Variants in MAGI3 observed in about 807,000 individuals in gnomAD.
The protein encoded by MAGI3 is membrane-associated guanylate kinase, WW and PDZ domain-containing protein 3.
In MAGI3, 43 loss-of-function variants were observed where a neutral mutation model predicts 121.8. The observed-to-expected ratio is 0.35, with a 90% confidence interval of 0.28 to 0.46. The LOEUF (loss-of-function observed/expected upper bound fraction) is 0.46. Among genes scored for constraint, MAGI3 ranks in the 20% least tolerant of loss-of-function variants. MAGI3 has a pLI of 1.00. For missense variants in MAGI3, 1,547 were observed against 1,797.3 expected (o/e 0.86, Z 2.52); for synonymous variants, 553 against 639.3 (o/e 0.86, Z 2.04).
chr1:113,483,873 A>G (rs1393908334), intron 1 of MAGI3, among the ~76,000 whole-genome samples: 7 of 151,918 alleles, frequency 4.6e-5, no homozygotes, highest in Admixed American at 3.3e-4. Flanking sequence ...GCACACTTGT[A>G]CTTTTTCTCT....
chr1:113,404,511 T>C (rs1174977185), intron 1 of MAGI3: 1 of 152,216 alleles, frequency 6.6e-6, no homozygotes, highest in Non-Finnish European at 1.5e-5. Flanking sequence ...CTTTTGAATT[T>C]CTTTATATCT....
At chr1:113,415,247 C>T (rs1452583095) in intron 1 of MAGI3, among the ~76,000 whole-genome samples, 1 of 152,028 alleles carries the variant, frequency 6.6e-6, no homozygotes. Context: ...AGTTCATTCA[C>T]ATTTAAAGGA....
chr1:113,453,251 G>A (rs1654572832), intron 1 of MAGI3, among the ~76,000 whole-genome samples: 1 of 152,090 alleles, frequency 6.6e-6, no homozygotes, highest in South Asian at 2.1e-4. Flanking sequence ...TATACTGACT[G>A]GAGACTGCTG....
chr1:113,610,840 AG>A (rs528142187), intron 6 of MAGI3, among the ~76,000 whole-genome samples: 5 of 152,200 alleles, frequency 3.3e-5, no homozygotes, highest in Admixed American at 6.5e-5. Flanking sequence ...AGACTGAGGC[AG>A]GGGAATCACT....
At chr1:113,563,669 C>T (rs893710114) in intron 2 of MAGI3, among the ~76,000 whole-genome samples, 1 of 152,136 alleles carries the variant, frequency 6.6e-6, no homozygotes, top group Non-Finnish European at 1.5e-5. Flanking sequence ...ATTTGGTCCC[C>T]CAGTTTTCAG....
At chr1:113,420,342 A>G (rs1365437752) in intron 1 of MAGI3, among the ~76,000 whole-genome samples, 1 of 152,026 alleles carries the variant, frequency 6.6e-6, no homozygotes, top group African/African-American at 2.4e-5. Flanking sequence ...TTCAACTTTT[A>G]CTCCATTAGT....
intron 3 of MAGI3, among the ~76,000 whole-genome samples, chr1:113,581,276 T>C (rs1648005685): frequency 6.6e-6 from 1 of 152,084 alleles, no homozygotes; most frequent in Non-Finnish European, 1.5e-5. Flanking sequence ...TGCTTTTTCA[T>C]ACTATTATAA....
chr1:113,463,739 T>C (rs1291353424), intron 1 of MAGI3, among the ~76,000 whole-genome samples: 3 of 152,038 alleles, frequency 2.0e-5, no homozygotes, highest in Admixed American at 2.0e-4. Flanking sequence ...GAGGAATTGG[T>C]AGAGTACCTG....
intron 1 of MAGI3, among the ~76,000 whole-genome samples, chr1:113,438,922 A>G (rs972249900): frequency 7.9e-5 from 12 of 152,152 alleles, no homozygotes; most frequent in Non-Finnish European, 1.6e-4. Flanking sequence ...TCAGCATTCA[A>G]TTTCTTTTTC....
intron 9 of MAGI3, among the ~76,000 whole-genome samples, chr1:113,634,078 G>C (rs1315439406): frequency 5.3e-5 from 8 of 151,922 alleles, no homozygotes; most frequent in Admixed American, 1.3e-4. Context: ...CTTTTTGATG[G>C]GGTTGTTTGT....
chr1:113,406,337 A>G (rs1247323592), intron 1 of MAGI3, among the ~76,000 whole-genome samples: 1 of 150,848 alleles, frequency 6.6e-6, no homozygotes, highest in Non-Finnish European at 1.5e-5. Context: ...AGTTCCAGCT[A>G]CTCAGGAGGC....
chr1:113,392,260 T>C (rs1650866254), intron 1 of MAGI3, among the ~76,000 whole-genome samples: 1 of 152,216 alleles, frequency 6.6e-6, no homozygotes, highest in Non-Finnish European at 1.5e-5. Context: ...TGTGGTTCTG[T>C]CGTCTTAGAT....
rs536306459 is a variant in MAGI3 at position 113,670,630 on chromosome 1, T to TTGA, written c.2816-1082_2816-1080dup. On this transcript the variant is annotated intron_variant, in intron 16 of 20. Coordinates refer to ENST00000307546, the MANE Select transcript of MAGI3 (RefSeq NM_001142782.2). ...GCAACCCCAAGTGAGAGATATCATT[T>TTGA]TGATGATGATGATGATGATGATGAA... Among the ~76,000 whole-genome samples, 452 of 152,166 alleles carry TTGA rather than the reference T, an allele frequency of 3.0e-3. 2 individuals carry two copies. The highest frequency in any genetic ancestry group is 9.1e-3 in the African/African-American group (377 of 41,492).
intron 9 of MAGI3, among the ~76,000 whole-genome samples, chr1:113,635,801 G>A (rs1409639527): frequency 2.5e-4 from 38 of 151,618 alleles, no homozygotes; most frequent in African/African-American, 8.7e-4. Context: ...AGAAGGAATG[G>A]TACCAGTTCC....
intron 7 of MAGI3, among the ~76,000 whole-genome samples, chr1:113,617,193 A>T (rs1031159822): frequency 2.0e-5 from 3 of 152,188 alleles, no homozygotes; most frequent in Non-Finnish European, 4.4e-5. Flanking sequence ...CCAGCCATCT[A>T]AAACTCTTTA....
chr1:113,669,181 C>T (rs1647366349), intron 16 of MAGI3, among the ~76,000 whole-genome samples: 1 of 152,178 alleles, frequency 6.6e-6, no homozygotes, highest in Non-Finnish European at 1.5e-5. Context: ...CGAAGACAAT[C>T]GAACTCTATA....
intron 1 of MAGI3, among the ~76,000 whole-genome samples, chr1:113,469,662 T>C (rs865979557): frequency 2.4e-4 from 37 of 152,150 alleles, no homozygotes; most frequent in Admixed American, 4.6e-4. Context: ...GAAATGGTTA[T>C]TTATATAGTG....
At chr1:113,481,928 C>T (rs576638242) in intron 1 of MAGI3, among the ~76,000 whole-genome samples, 51 of 152,066 alleles carry the variant, frequency 3.4e-4, no homozygotes, top group Non-Finnish European at 5.6e-4. Flanking sequence ...AAGGTTTAGA[C>T]AAGCTCTTTC....
intron 8 of MAGI3, 69 bp from the exon 9 acceptor site, chr1:113,622,737 G>C (rs1357970442): frequency 2.4e-6 from 3 of 1,239,920 alleles, no homozygotes; most frequent in Non-Finnish European, 3.3e-6. Context: ...TCATATAAAA[G>C]ATTGACTCTG....
Sources: gnomAD v4.1 joint callset for allele counts (sites outside exome capture counted in the v4.1 genomes callset) on GRCh38, gnomAD v4.1.1 for gene constraint, MANE v1.5 for transcripts, NCBI Gene and HGNC (gene_info 2026-07-23, HGNC 2026-07-21) for gene names.